Variants in DIP2B observed in about 807,000 individuals in gnomAD.
DIP2B encodes the protein DIP2 acetate--CoA ligase B (putative).
Under a neutral mutation model 198.0 loss-of-function variants are expected in DIP2B, and 76 were observed. The ratio of observed to expected loss-of-function variants is 0.38; its 90% CI spans 0.32 to 0.46. The LOEUF is 0.46. Among genes scored for constraint, DIP2B ranks in the 20% least tolerant of loss-of-function variants. The pLI, the probability that DIP2B is intolerant of heterozygous loss-of-function variation, is 0.99. For synonymous variants in DIP2B, 701 were observed against 739.1 expected, an observed-to-expected ratio of 0.95 and a Z score of 0.84; for missense variants, 1,559 against 1,978.4, an observed-to-expected ratio of 0.79 and a Z score of 4.02.
At chr12:50,725,499 G>C (rs983291618) in intron 28 of DIP2B, among the ~76,000 whole-genome samples, 3 of 152,230 alleles carry the variant, frequency 2.0e-5, no homozygotes, top group Non-Finnish European at 4.4e-5. Flanking sequence ...TATAGGAAGA[G>C]TGTGGGTGTT....
At chr12:50,516,101 A>G (rs182991155) in intron 1 of DIP2B, among the ~76,000 whole-genome samples, 1 of 152,220 alleles carries the variant, frequency 6.6e-6, no homozygotes, top group Non-Finnish European at 1.5e-5. Context: ...TTCTTGTTGC[A>G]TCTTCACATG....
chr12:50,522,753 G>C (rs1040144318), intron 1 of DIP2B, among the ~76,000 whole-genome samples: 2 of 152,170 alleles, frequency 1.3e-5, no homozygotes, highest in Non-Finnish European at 2.9e-5. Context: ...TAAATGCTAA[G>C]TAAGAATCCA....
chr12:50,739,525 C>G lies in DIP2B; in HGVS notation c.4293C>G (p.Leu1431=). The G allele has an allele frequency of 6.2e-7, 1 of 1,614,204 alleles. No individual in the cohort carries two copies. The highest frequency in any genetic ancestry group is 8.5e-7 in the Non-Finnish European group (1 of 1,180,040). Reference sequence around the variant, plus strand: ...GCTTTGGAGATGCAGCTCAGACACTCTGGGCTCGGACAGGATACCTTGGTT... The same window carrying G: ...GCTTTGGAGATGCAGCTCAGACACTGTGGGCTCGGACAGGATACCTTGGTT... ...RLSFGDAAQT[L]WARTGYLGFV... is the part of the protein sequence containing the mutation. The change falls in exon 36 of 38, where the codon CTC becomes CTG. Residue 1431 remains leucine, a synonymous_variant. Transcript: ENST00000301180.
intron 2 of DIP2B, among the ~76,000 whole-genome samples, chr12:50,627,804 CAG>C (rs1162888072): frequency 1.3e-5 from 2 of 152,208 alleles, no homozygotes; most frequent in African/African-American, 4.8e-5. Context: ...GGTGACCTCA[CAG>C]GGGAAATAGA....
chr12:50,664,241 A>G (rs1433721659), intron 4 of DIP2B, among the ~76,000 whole-genome samples: 1 of 152,208 alleles, frequency 6.6e-6, no homozygotes, highest in Non-Finnish European at 1.5e-5. Flanking sequence ...TATTTATAGT[A>G]TCATATAGTC....
intron 1 of DIP2B, among the ~76,000 whole-genome samples, chr12:50,578,402 AT>A (rs146694168): frequency 9.7e-4 from 147 of 151,856 alleles, no homozygotes; most frequent in African/African-American, 3.3e-3. Flanking sequence ...GAAAATAGTT[AT>A]ACGTACCTTC....
intron 1 of DIP2B, among the ~76,000 whole-genome samples, chr12:50,592,452 G>T (rs548151425): frequency 6.6e-6 from 1 of 151,932 alleles, no homozygotes; most frequent in South Asian, 2.1e-4. Context: ...CCACTGCGCC[G>T]GGCCTTAACT....
intron 1 of DIP2B, among the ~76,000 whole-genome samples, chr12:50,597,298 A>AT (rs1194767177): frequency 3.9e-5 from 6 of 152,238 alleles, no homozygotes; most frequent in African/African-American, 1.4e-4. Context: ...TTTAAAAAAT[A>AT]TTTTAAGAAA....
At position 50,683,152 on chromosome 12, in the gene DIP2B, C is replaced by T. The variant is rs1939073345; in HGVS notation, c.1221C>T (p.Tyr407=). Residue 407 remains tyrosine, a synonymous_variant, in exon 10 of 38, where the codon TAC becomes TAT. Coordinates refer to ENST00000301180, the MANE Select transcript of DIP2B (RefSeq NM_173602.3). ...ATGAATTTTAGGTAGCCCTGGTTTA[C>T]CCCAACAATGATCCAGTCATGTTTA... ...LKPGDRVALV[Y]PNNDPVMFMV... 3 of 1,608,806 alleles carry T rather than the reference C, an allele frequency of 1.9e-6. No individual in the cohort carries two copies. The highest frequency in any genetic ancestry group is 2.5e-6 in the Non-Finnish European group (3 of 1,178,544).
At chr12:50,542,297 T>G (rs754072159) in intron 1 of DIP2B, among the ~76,000 whole-genome samples, 2 of 151,212 alleles carry the variant, frequency 1.3e-5, no homozygotes, top group Non-Finnish European at 1.5e-5. Context: ...TCTCAAAATC[T>G]CATAAAGAGA....
intron 1 of DIP2B, among the ~76,000 whole-genome samples, chr12:50,601,779 T>G (rs995717743): frequency 6.6e-6 from 1 of 152,226 alleles, no homozygotes; most frequent in Admixed American, 6.5e-5. Context: ...TCTTACTATA[T>G]CTGGCTTTGT....
At chr12:50,546,184 A>G (rs1958376190) in intron 1 of DIP2B, among the ~76,000 whole-genome samples, 3 of 152,244 alleles carry the variant, frequency 2.0e-5, no homozygotes, top group Non-Finnish European at 2.9e-5. Flanking sequence ...GCAAATATGC[A>G]TAAGTATAGC....
intron 1 of DIP2B, among the ~76,000 whole-genome samples, chr12:50,517,288 G>A (rs966327354): frequency 2.0e-5 from 3 of 151,694 alleles, no homozygotes; most frequent in Non-Finnish European, 2.9e-5. Flanking sequence ...TGTTTCCCAG[G>A]CTGATCTCAC....
chr12:50,597,876 A>G (rs780524288), intron 1 of DIP2B, among the ~76,000 whole-genome samples: 4 of 152,294 alleles, frequency 2.6e-5, no homozygotes, highest in East Asian at 1.9e-4. Context: ...TGAACAGTCA[A>G]GTTCTTTTGA....
chr12:50,650,091 T>A (rs1401617162), intron 3 of DIP2B, among the ~76,000 whole-genome samples: 1 of 151,986 alleles, frequency 6.6e-6, no homozygotes, highest in Non-Finnish European at 1.5e-5. Context: ...GTGCCTGTAA[T>A]CCTAGCTACT....
At chr12:50,543,034 A>AT (rs202104404) in intron 1 of DIP2B, among the ~76,000 whole-genome samples, 12 of 150,074 alleles carry the variant, frequency 8.0e-5, no homozygotes, top group Non-Finnish European at 8.9e-5. Context: ...TGCCTGGCTA[A>AT]TTTTTTTTTG....
chr12:50,532,909 A>T (rs1284177857), intron 1 of DIP2B, among the ~76,000 whole-genome samples: 5 of 152,000 alleles, frequency 3.3e-5, no homozygotes, highest in African/African-American at 7.3e-5. Context: ...AATTAGAGTA[A>T]CTCTTTGTTA....
At chr12:50,579,739 G>T (rs1958706713) in intron 1 of DIP2B, among the ~76,000 whole-genome samples, 14 of 125,950 alleles carry the variant, frequency 1.1e-4, no homozygotes, top group Non-Finnish European at 1.8e-4. Flanking sequence ...ATGGACCCCT[G>T]TAATTTTGGA....
At chr12:50,538,533 T>A (rs545349667) in intron 1 of DIP2B, among the ~76,000 whole-genome samples, 1 of 152,296 alleles carries the variant, frequency 6.6e-6, no homozygotes, top group East Asian at 1.9e-4. Flanking sequence ...AGTGTAACTT[T>A]CAGTAATATG....
Sources: allele counts gnomAD v4.1 joint callset (sites outside exome capture counted in the v4.1 genomes callset), GRCh38; gene constraint gnomAD v4.1.1; transcripts MANE v1.5; gene names NCBI Gene and HGNC (gene_info 2026-07-23, HGNC 2026-07-21).